Variants in WWOX observed in about 807,000 individuals in gnomAD.
WWOX encodes the protein WW domain-containing oxidoreductase.
In WWOX, 69 loss-of-function variants were observed where a neutral mutation model predicts 46.2. That is an observed-to-expected ratio of 1.49 (90% confidence interval 1.23 to 1.82). WWOX has a LOEUF of 1.82. Ranked by LOEUF, WWOX falls within the 40% of genes most tolerant of loss-of-function variation. The pLI is 0.00. For synonymous variants in WWOX, 359 were observed against 202.6 expected, an observed-to-expected ratio of 1.77 and a Z score of -6.56; for missense variants, 919 against 542.6, an observed-to-expected ratio of 1.69 and a Z score of -6.89.
intron 8 of WWOX, among the ~76,000 whole-genome samples, chr16:78,753,840 ATATATATATATATATG>A (rs200808643): frequency 0.012 from 1,322 of 106,584 alleles, 49 homozygotes; most frequent in South Asian, 0.035. Flanking sequence ...ATATATATAT[ATATATATATATATATG>A]TATATGTATA....
intron 8 of WWOX, among the ~76,000 whole-genome samples, chr16:78,865,361 C>T (rs568687779): frequency 3.3e-5 from 5 of 152,096 alleles, no homozygotes; most frequent in East Asian, 3.9e-4. Context: ...AAAAGAAGTA[C>T]GTCAGGTGAA....
chr16:78,565,984 C>T (rs943031539), intron 8 of WWOX, among the ~76,000 whole-genome samples: 6 of 149,028 alleles, frequency 4.0e-5, no homozygotes, highest in South Asian at 2.1e-4. Context: ...AACATAATAC[C>T]ATAGACTGGG....
chr16:78,616,383 C>T (rs2738556), intron 8 of WWOX, among the ~76,000 whole-genome samples: 116,601 of 151,942 alleles, frequency 0.77, 45,055 homozygotes, highest in Middle Eastern at 0.83. Flanking sequence ...ATTCAGTGTC[C>T]GGTGAGGATT....
intron 8 of WWOX, chr16:78,525,711 A>G (rs192768956): frequency 6.6e-6 from 1 of 152,256 alleles, no homozygotes; most frequent in African/African-American, 2.4e-5. Context: ...TCAATGACCG[A>G]GAATCTACCA....
chr16:78,799,486 T>C (rs942606698), intron 8 of WWOX, among the ~76,000 whole-genome samples: 1 of 152,188 alleles, frequency 6.6e-6, no homozygotes, highest in African/African-American at 2.4e-5. Flanking sequence ...GGAGGTATTT[T>C]ATGTTGTTTT....
At position 78,817,768 on chromosome 16, in the gene WWOX, G is replaced by A. The variant is rs76699372; in HGVS notation, c.1056+385016G>A. On this transcript the variant is annotated intron_variant, in intron 8 of 8. Transcript: ENST00000566780. Reference sequence around the variant, plus strand: ...CAGCCCTTTCTCTTCCCCTGAGATTGCGCCTCCTCACCCTCTGTCTTGGAT... The same window carrying A: ...CAGCCCTTTCTCTTCCCCTGAGATTACGCCTCCTCACCCTCTGTCTTGGAT... Among the ~76,000 whole-genome samples the A allele has an allele frequency of 4.6e-5, 7 of 152,254 alleles. No individual in the cohort carries two copies. The East Asian group carries it at 1.4e-3, about 30-fold the overall frequency.
chr16:78,383,817 G>T (rs930047705), intron 5 of WWOX, among the ~76,000 whole-genome samples: 2 of 152,112 alleles, frequency 1.3e-5, no homozygotes, highest in Non-Finnish European at 2.9e-5. Context: ...AACAGTGTGT[G>T]GACTTGAATC....
intron 8 of WWOX, among the ~76,000 whole-genome samples, chr16:79,125,689 T>C (rs1290791970): frequency 6.6e-6 from 1 of 152,168 alleles, no homozygotes; most frequent in Non-Finnish European, 1.5e-5. Flanking sequence ...GGACCAAGTG[T>C]CAACAATGTT....
At chr16:78,197,048 G>A (rs1253077557) in intron 5 of WWOX, among the ~76,000 whole-genome samples, 1 of 152,198 alleles carries the variant, frequency 6.6e-6, no homozygotes, top group Non-Finnish European at 1.5e-5. Context: ...AATAATAGCA[G>A]TTAGTGGGAG....
intron 8 of WWOX, among the ~76,000 whole-genome samples, chr16:78,771,084 T>G (rs1423551354): frequency 1.3e-5 from 2 of 152,160 alleles, no homozygotes; most frequent in Non-Finnish European, 2.9e-5. Context: ...GGCATGCAAG[T>G]AAGCCAGCTG....
At chr16:78,473,689 C>G (rs1302418184) in intron 8 of WWOX, among the ~76,000 whole-genome samples, 1 of 152,092 alleles carries the variant, frequency 6.6e-6, no homozygotes, top group Non-Finnish European at 1.5e-5. Context: ...TTAAACAAGT[C>G]CCAACCTTGA....
At chr16:79,189,363 T>G (rs1273835060) in intron 8 of WWOX, among the ~76,000 whole-genome samples, 1 of 151,398 alleles carries the variant, frequency 6.6e-6, no homozygotes, top group Non-Finnish European at 1.5e-5. Flanking sequence ...GCTTAGGTGA[T>G]CCTCCTGTCT....
chr16:78,666,456 A>T (rs374784695), intron 8 of WWOX, among the ~76,000 whole-genome samples: 1 of 152,266 alleles, frequency 6.6e-6, no homozygotes, highest in African/African-American at 2.4e-5. Context: ...CTTACAGCCT[A>T]TTTTTACAAA....
At chr16:78,827,105 C>G (rs996574673) in intron 8 of WWOX, among the ~76,000 whole-genome samples, 3 of 152,138 alleles carry the variant, frequency 2.0e-5, no homozygotes, top group Non-Finnish European at 4.4e-5. Context: ...GCTCTCCTCT[C>G]CAGAACTCCA....
At chr16:78,849,117 A>G (rs750117371) in intron 8 of WWOX, among the ~76,000 whole-genome samples, 14 of 152,134 alleles carry the variant, frequency 9.2e-5, no homozygotes, top group South Asian at 2.1e-4. Flanking sequence ...AGGACAGTCT[A>G]TACAGTAACT....
At chr16:78,492,894 A>C (rs1452631032) in intron 8 of WWOX, among the ~76,000 whole-genome samples, 1 of 152,026 alleles carries the variant, frequency 6.6e-6, no homozygotes, top group Non-Finnish European at 1.5e-5. Context: ...GCATGCATGC[A>C]CTCCCAAAGT....
chr16:78,874,002 C>A (rs746905096), intron 8 of WWOX, among the ~76,000 whole-genome samples: 4 of 151,470 alleles, frequency 2.6e-5, no homozygotes, highest in Non-Finnish European at 5.9e-5. Flanking sequence ...TGGCTCATGC[C>A]TGTAATCCCA....
chr16:78,628,109 G>A (rs566159814), intron 8 of WWOX, among the ~76,000 whole-genome samples: 1 of 152,144 alleles, frequency 6.6e-6, no homozygotes, highest in East Asian at 1.9e-4. Context: ...GCCCTACAGT[G>A]GAATGAACCT....
chr16:78,908,680 G>T (rs116535557), intron 8 of WWOX, among the ~76,000 whole-genome samples: 4,099 of 152,210 alleles, frequency 0.027, 205 homozygotes, highest in East Asian at 0.18. Context: ...GTCAGGGAAT[G>T]GGGAGTATTG....
Sources: gnomAD v4.1 joint callset for allele counts (sites outside exome capture counted in the v4.1 genomes callset) on GRCh38, gnomAD v4.1.1 for gene constraint, MANE v1.5 for transcripts, NCBI Gene and HGNC (gene_info 2026-07-23, HGNC 2026-07-21) for gene names.